RABGEF1: variants seen among roughly 807,000 people sequenced by gnomAD.
RABGEF1 encodes RAB guanine nucleotide exchange factor 1.
In RABGEF1, 26 loss-of-function variants were observed where a neutral mutation model predicts 57.3. The observed-to-expected ratio is 0.45, with a 90% CI of 0.33 to 0.63. The LOEUF is 0.63. Ranked by LOEUF, RABGEF1 falls within the 20% of genes least tolerant of loss-of-function variation. The probability of loss-of-function intolerance (pLI) is 0.02; values close to 1 mark genes in which losing one functional copy is unlikely to be tolerated. For missense variants in RABGEF1, 464 were observed against 607.6 expected, an observed-to-expected ratio of 0.76 and a Z score of 2.48; for synonymous variants, 185 against 210.7, an observed-to-expected ratio of 0.88 and a Z score of 1.06.
Position 66,686,139 on chromosome 7 carries a change from G to A in RABGEF1, c.-873+3881G>A, listed in dbSNP as rs1178897651. On this transcript the variant is annotated intron_variant and NMD_transcript_variant, in intron 1 of 9. Transcript: ENST00000607882. ...TACTAAAATACAGAAAACTTAGCCA[G>A]GCATGGTGGTGTGTGCCTGTGATCT... Among the ~76,000 whole-genome samples, 4 of 152,114 alleles carry A rather than the reference G, an allele frequency of 2.6e-5. No individual in the cohort carries two copies. In the East Asian group the frequency reaches 7.7e-4, roughly 29 times the overall value.
At chr7:66,683,674 G>A (rs1396404719) in intron 1 of RABGEF1, among the ~76,000 whole-genome samples, 1 of 152,176 alleles carries the variant, frequency 6.6e-6, no homozygotes, top group Admixed American at 6.6e-5. Flanking sequence ...ACAGGGTGGA[G>A]TGAGGGAGAG....
chr7:66,685,233 A>G (rs1339877618), intron 1 of RABGEF1, among the ~76,000 whole-genome samples: 3 of 144,012 alleles, frequency 2.1e-5, no homozygotes, highest in Admixed American at 1.5e-4. Flanking sequence ...TGGCCACTAC[A>G]ACCTCCACCT....
chr7:66,673,435 G>C, the RABGEF1 span, among the ~76,000 whole-genome samples: 13 of 151,818 alleles, frequency 8.6e-5, no homozygotes, highest in African/African-American at 3.1e-4. Flanking sequence ...GGCTGGATCT[G>C]AGCCTCTGGC....
chr7:66,684,919 G>A (rs1410022803), intron 1 of RABGEF1, among the ~76,000 whole-genome samples: 1 of 152,122 alleles, frequency 6.6e-6, no homozygotes, highest in Non-Finnish European at 1.5e-5. Flanking sequence ...ACAGGCGTGA[G>A]CCACTGTATC....
chr7:66,754,551 C>T (rs1248643211), intron 1 of RABGEF1, among the ~76,000 whole-genome samples: 1 of 152,014 alleles, frequency 6.6e-6, no homozygotes, highest in Admixed American at 6.6e-5. Flanking sequence ...GGAGACCAGC[C>T]TGGCCAACAG....
At chr7:66,708,928 T>C (rs1032691517) in intron 1 of RABGEF1, among the ~76,000 whole-genome samples, 2 of 152,194 alleles carry the variant, frequency 1.3e-5, no homozygotes, top group African/African-American at 2.4e-5. Context: ...AAAAGAAATA[T>C]GCAATATGCC....
At position 66,772,022 on chromosome 7, in the gene RABGEF1, A is replaced by G. The variant is rs1178292123; in HGVS notation, c.123A>G (p.Glu41=). Residue 41 remains glutamate (E), a synonymous_variant, in exon 2 of 9, where the codon GAA becomes GAG. Transcript: ENST00000284957. ...WQGFCSKCWR[E]EYHKARQKQI... ...GTTTCTGCTCCAAGTGCTGGAGGGA[A>G]GAGTACCACAAAGCCAGGCAGAAGC... The G allele has an allele frequency of 1.9e-6, 3 of 1,592,934 alleles. No homozygotes were observed. Among genetic ancestry groups the G allele is most frequent in the African/African-American group, 1.4e-5 (1 of 73,832 alleles).
chr7:66,708,577 C>T lies in RABGEF1; in HGVS notation c.-872-3590C>T, dbSNP rs149973876. Among the ~76,000 whole-genome samples the T allele has an allele frequency of 2.8e-3, 427 of 152,280 alleles. 16 individuals are homozygous for T. In the East Asian group the frequency reaches 0.076, roughly 27 times the overall value. ...GTGCTAGGATTACAGGCGTGAGCCA[C>T]CGCCCCTGGCCAGCCCAGGAGTTTG... On this transcript the variant is annotated intron_variant and NMD_transcript_variant, in intron 1 of 9. Transcript: ENST00000607882.
At chr7:66,668,377 G>A in the RABGEF1 span, among the ~76,000 whole-genome samples, 1 of 152,298 alleles carries the variant, frequency 6.6e-6, no homozygotes, top group Non-Finnish European at 1.5e-5. Context: ...GATTACAGCC[G>A]TGAGCCACCA....
At chr7:66,749,753 C>T (rs1299700319) in intron 1 of RABGEF1, among the ~76,000 whole-genome samples, 2 of 152,016 alleles carry the variant, frequency 1.3e-5, no homozygotes, top group Non-Finnish European at 2.9e-5. Flanking sequence ...GGGCGGATCA[C>T]GAGGTCAGGA....
intron 4 of RABGEF1, among the ~76,000 whole-genome samples, chr7:66,792,222 G>C (rs1432627177): frequency 6.6e-6 from 1 of 151,962 alleles, no homozygotes; most frequent in Non-Finnish European, 1.5e-5. Context: ...GGAAAATTAT[G>C]ACAAACCTTT....
At chr7:66,747,800 A>G (rs1038328914) in intron 1 of RABGEF1, among the ~76,000 whole-genome samples, 3 of 152,216 alleles carry the variant, frequency 2.0e-5, no homozygotes, top group Admixed American at 6.5e-5. Context: ...TTATTGTGCT[A>G]TAATTTTTTT....
intron 7 of RABGEF1, among the ~76,000 whole-genome samples, chr7:66,802,242 G>A (rs1030522604): frequency 2.0e-5 from 3 of 152,188 alleles, no homozygotes; most frequent in African/African-American, 7.2e-5. Flanking sequence ...CTAACACCTA[G>A]TGGGTAGAGG....
At chr7:66,683,899 C>A (rs1790180656) in intron 1 of RABGEF1, among the ~76,000 whole-genome samples, 1 of 152,096 alleles carries the variant, frequency 6.6e-6, no homozygotes, top group Non-Finnish European at 1.5e-5. Context: ...TGCCGCCACA[C>A]CCAGCTGATT....
chr7:66,672,175 C>G, the RABGEF1 span, among the ~76,000 whole-genome samples: 1 of 151,492 alleles, frequency 6.6e-6, no homozygotes, highest in African/African-American at 2.4e-5. Flanking sequence ...GTAATCCCAG[C>G]ACTTTGGGAG....
intron 4 of RABGEF1, among the ~76,000 whole-genome samples, chr7:66,795,170 T>A (rs1402214003): frequency 6.6e-6 from 1 of 152,164 alleles, no homozygotes; most frequent in African/African-American, 2.4e-5. Context: ...TAGCAGGGAC[T>A]CTGGCCTTGT....
chr7:66,718,958 T>C (rs768793272), intron 2 of RABGEF1, among the ~76,000 whole-genome samples: 14 of 152,216 alleles, frequency 9.2e-5, no homozygotes, highest in Non-Finnish European at 2.1e-4. Flanking sequence ...ACATACTTCT[T>C]ACGACTGCAT....
intron 2 of RABGEF1, among the ~76,000 whole-genome samples, chr7:66,720,510 A>T (rs1795926592): frequency 1.2e-5 from 1 of 85,950 alleles, no homozygotes; most frequent in East Asian, 4.1e-4. Context: ...CTGATAATTA[A>T]AAAAAAAAAA....
At chr7:66,654,807 C>A in the RABGEF1 span, among the ~76,000 whole-genome samples, 1 of 152,208 alleles carries the variant, frequency 6.6e-6, no homozygotes. Context: ...GTCAGCTCCG[C>A]CTTCCCAGTT....
Sources: gnomAD v4.1 joint callset for allele counts (sites outside exome capture counted in the v4.1 genomes callset) on GRCh38, gnomAD v4.1.1 for gene constraint, MANE v1.5 for transcripts, NCBI Gene and HGNC (gene_info 2026-07-23, HGNC 2026-07-21) for gene names.